ULK4: variants seen among roughly 807,000 people sequenced by gnomAD.
ULK4 encodes inactive serine/threonine-protein kinase ULK4.
ULK4 carries 133 observed loss-of-function variants against 160.6 expected under a neutral mutation model. That is an observed-to-expected ratio of 0.83 (90% CI 0.72 to 0.96). ULK4 has a LOEUF of 0.96. Among genes scored for constraint, ULK4 ranks in the 40% least tolerant of loss-of-function variants. The pLI is 0.00. For synonymous variants in ULK4, 534 were observed against 539.8 expected (o/e 0.99, Z 0.15); for missense variants, 1,580 against 1,499.5 (o/e 1.05, Z -0.89).
At position 41,264,210 on chromosome 3, in the gene ULK4, C is replaced by T. The variant is rs138872394; in HGVS notation, c.3679-14636G>A. ...TGAGGCAGAGATTTTTTAAAGGTTG[C>T]AGAAGCAGGGACCAGCTGGAAGCCA... On this transcript the variant is annotated intron_variant, in intron 35 of 36. Transcript: ENST00000301831. Among the ~76,000 whole-genome samples, 131 of 152,318 alleles carry T rather than the reference C, an allele frequency of 8.6e-4. 1 individual carries two copies. The highest frequency in any genetic ancestry group is 3.1e-3 in the African/African-American group (127 of 41,568).
intron 31 of ULK4, among the ~76,000 whole-genome samples, chr3:41,592,305 C>A (rs906464946): frequency 6.6e-6 from 1 of 152,128 alleles, no homozygotes; most frequent in Non-Finnish European, 1.5e-5. Flanking sequence ...GAGGAAGCAG[C>A]GGGAAAAGCC....
chr3:41,882,731 A>G (rs1315791389), intron 17 of ULK4, among the ~76,000 whole-genome samples: 1 of 152,200 alleles, frequency 6.6e-6, no homozygotes, highest in Non-Finnish European at 1.5e-5. Context: ...ATGCAGGAAC[A>G]TCCTCTAAAA....
chr3:41,802,429 T>C (rs1028868161), intron 19 of ULK4, among the ~76,000 whole-genome samples: 43 of 152,242 alleles, frequency 2.8e-4, no homozygotes, highest in African/African-American at 1.0e-3. Flanking sequence ...CCCAAGCAGC[T>C]GGGACAAGAG....
intron 30 of ULK4, among the ~76,000 whole-genome samples, chr3:41,640,308 T>C (rs768345431): frequency 1.4e-4 from 21 of 152,172 alleles, no homozygotes; most frequent in Non-Finnish European, 2.9e-4. Context: ...GACTGGTGAA[T>C]TGAGAAGCCT....
At chr3:41,876,644 C>T (rs1177910694) in intron 17 of ULK4, among the ~76,000 whole-genome samples, 1 of 152,126 alleles carries the variant, frequency 6.6e-6, no homozygotes, top group African/African-American at 2.4e-5. Context: ...AGAAAACAAT[C>T]CAAATGCCCA....
intron 35 of ULK4, among the ~76,000 whole-genome samples, chr3:41,281,938 G>A (rs2079363048): frequency 6.6e-6 from 1 of 151,998 alleles, no homozygotes; most frequent in Non-Finnish European, 1.5e-5. Context: ...AAGCTGATAA[G>A]CAACTTCAGC....
chr3:41,338,411 C>T (rs553537121), intron 35 of ULK4, among the ~76,000 whole-genome samples: 1 of 152,340 alleles, frequency 6.6e-6, no homozygotes, highest in Non-Finnish European at 1.5e-5. Flanking sequence ...AACACACAAA[C>T]ATTAATTTCT....
At position 41,717,794 on chromosome 3, in the gene ULK4, C is replaced by T. The variant is rs1446780335; in HGVS notation, c.2389G>A (p.Glu797Lys). The T allele has an allele frequency of 5.6e-6, 9 of 1,614,002 alleles. No individual in the cohort carries two copies. Among genetic ancestry groups the T allele is most frequent in the Non-Finnish European group, 6.8e-6 (8 of 1,180,016 alleles). The change falls in exon 23 of 37, where the codon GAA (glutamate) becomes AAA (lysine). Residue 797 changes from glutamate to lysine, a missense_variant. Coordinates refer to ENST00000301831, the MANE Select transcript of ULK4 (RefSeq NM_017886.4). ...TPGKEQQSGN[E>K]YLSKCLDLLI... is the part of the protein sequence containing the mutation. ...AGATCCAGGCATTTGGACAGGTATT[C>T]ATTGCCACTTTGCTGCTCCTTGCCT...
At chr3:41,636,385 A>T (rs2033950402) in intron 30 of ULK4, among the ~76,000 whole-genome samples, 2 of 152,028 alleles carry the variant, frequency 1.3e-5, no homozygotes, top group African/African-American at 4.8e-5. Context: ...AAATACAAAA[A>T]TTAGGTGGTA....
At chr3:41,830,523 T>C (rs1288877109) in intron 18 of ULK4, among the ~76,000 whole-genome samples, 1 of 152,106 alleles carries the variant, frequency 6.6e-6, no homozygotes, top group Non-Finnish European at 1.5e-5. Flanking sequence ...GATGGTTTCA[T>C]AGGTGTATAC....
chr3:41,336,414 G>A (rs1417862191), intron 35 of ULK4, among the ~76,000 whole-genome samples: 2 of 152,156 alleles, frequency 1.3e-5, no homozygotes. Flanking sequence ...CCAAATTAGG[G>A]AAGAAAAAGT....
chr3:41,701,431 A>G (rs1482692712), intron 27 of ULK4, among the ~76,000 whole-genome samples: 1 of 152,220 alleles, frequency 6.6e-6, no homozygotes, highest in Non-Finnish European at 1.5e-5. Flanking sequence ...AGAGAATGAA[A>G]TAACATCTGG....
At chr3:41,679,175 C>A (rs774307212) in intron 29 of ULK4, among the ~76,000 whole-genome samples, 47 of 152,072 alleles carry the variant, frequency 3.1e-4, no homozygotes, top group Admixed American at 6.5e-4. Flanking sequence ...TGCCCTATTA[C>A]AATCTTTACT....
intron 29 of ULK4, among the ~76,000 whole-genome samples, chr3:41,672,445 G>A (rs2035574397): frequency 6.6e-6 from 1 of 152,118 alleles, no homozygotes; most frequent in Admixed American, 6.6e-5. Flanking sequence ...AAATAAGCCT[G>A]GCAGAGACAG....
chr3:41,304,271 C>G (rs1212886692), intron 35 of ULK4, among the ~76,000 whole-genome samples: 1 of 37,918 alleles, frequency 2.6e-5, no homozygotes, highest in African/African-American at 4.2e-4. Flanking sequence ...AAAGCTCCCC[C>G]TCAAAAAAAA....
At position 41,799,997 on chromosome 3, in the gene ULK4, A is replaced by T. The variant is rs896044766; in HGVS notation, c.2010+135T>A. 119 of 910,542 alleles carry T rather than the reference A, an allele frequency of 1.3e-4. 1 individual carries two copies. Among genetic ancestry groups the T allele is most frequent in the Non-Finnish European group, 1.5e-4 (102 of 668,056 alleles). The allele number at this position is 910,542 out of a possible 1,614,324, so 56.4% of individuals were successfully genotyped here. ...AAATTCTCTTTTAGAAGAAAATCAA[A>T]TTATTTCTCTCAATATTACTCTGAG... On this transcript the variant is annotated intron_variant, in intron 20 of 36. Transcript: ENST00000301831.
At chr3:41,776,021 C>G (rs1379700625) in intron 21 of ULK4, among the ~76,000 whole-genome samples, 1 of 150,798 alleles carries the variant, frequency 6.6e-6, no homozygotes, top group Non-Finnish European at 1.5e-5. Context: ...TTTTTTGGCT[C>G]AGGTATGTGC....
chr3:41,603,110 G>C (rs1559426121), intron 31 of ULK4, among the ~76,000 whole-genome samples: 1 of 151,814 alleles, frequency 6.6e-6, no homozygotes, highest in Non-Finnish European at 1.5e-5. Context: ...ATATAATAAA[G>C]GTAGAGTGAA....
At chr3:41,518,107 T>A (rs1228093522) in intron 32 of ULK4, among the ~76,000 whole-genome samples, 1 of 152,110 alleles carries the variant, frequency 6.6e-6, no homozygotes, top group Non-Finnish European at 1.5e-5. Context: ...CAGAAATAAT[T>A]ATGGTGGAAA....
Sources: allele counts gnomAD v4.1 joint callset (sites outside exome capture counted in the v4.1 genomes callset), GRCh38; gene constraint gnomAD v4.1.1; transcripts MANE v1.5; gene names NCBI Gene and HGNC (gene_info 2026-07-23, HGNC 2026-07-21).